The following WDR62 variants were observed in gnomAD, a reference collection of about 807,000 sequenced individuals.
WDR62 encodes the protein WD repeat domain 62.
In WDR62, 112 loss-of-function variants were observed where a neutral mutation model predicts 160.6. The observed-to-expected ratio is 0.70, with a 90% CI of 0.60 to 0.82. The LOEUF is 0.82. WDR62 is among the 40% of genes least tolerant of loss of function. The pLI, the probability that WDR62 is intolerant of heterozygous loss-of-function variation, is 0.00. For missense variants in WDR62, 1,819 were observed against 1,983.8 expected (o/e 0.92, Z 1.58); for synonymous variants, 792 against 815.1 (o/e 0.97, Z 0.48).
intron 2 of WDR62, 35 bp downstream of exon 2, chr19:36,058,906 C>A: frequency 6.4e-7 from 1 of 1,565,662 alleles, no homozygotes; most frequent in Non-Finnish European, 8.8e-7. Flanking sequence ...CTAATCATTG[C>A]TAGGGAATTT....
intron 3 of WDR62, chr19:36,060,971 A>G (rs1970615733): frequency 6.6e-6 from 1 of 152,310 alleles, no homozygotes; most frequent in Non-Finnish European, 1.5e-5. Flanking sequence ...CCTTGGGGCT[A>G]ACTGATCACT....
In WDR62 at chr19:36,090,480, G is replaced by A; in HGVS notation, c.1994G>A (p.Cys665Tyr). Residue 665 changes from cysteine (C) to tyrosine (Y), a missense_variant, in exon 16 of 32, where the codon TGC becomes TAC. Cys to Tyr is a radical substitution (Grantham distance 194, BLOSUM62 -2). Around this residue, in one of 3 missense-constraint regions of WDR62, gnomAD observed 934 missense variants for 1,157.2 expected, o/e 0.81. Transcript: ENST00000401500. ...ACTGTGAACGGGAAGCAGAAGAAGT[G>A]CTACAAGGGCTCCCAGGGTGACGAA... The part of the protein sequence containing the change: ...YNTVNGKQKK[C>Y]YKGSQGDEGS... 1 of 1,614,146 alleles carries A rather than the reference G, an allele frequency of 6.2e-7. No homozygotes were observed. The highest frequency in any genetic ancestry group is 8.5e-7 in the Non-Finnish European group (1 of 1,180,006).
intron 20 of WDR62, among the ~76,000 whole-genome samples, chr19:36,095,202 G>A (rs936846086): frequency 1.3e-5 from 2 of 151,664 alleles, no homozygotes. Flanking sequence ...ATTTTTTTTT[G>A]TATCTTTTGG....
chr19:36,057,220 C>G (rs1388565142), intron 1 of WDR62, among the ~76,000 whole-genome samples: 1 of 152,170 alleles, frequency 6.6e-6, no homozygotes, highest in Non-Finnish European at 1.5e-5. Context: ...GGTTACATAT[C>G]CTAGGCACTT....
rs757637999 is a variant in WDR62, at chr19:36,103,652, G to A, written c.3824G>A (p.Ser1275Asn). Reference sequence around the variant, plus strand: ...GCCATCACCACCGCGACAACACCCAGTTTGGACAGTGAGGGCCAAGAGCCT... The same window carrying A: ...GCCATCACCACCGCGACAACACCCAATTTGGACAGTGAGGGCCAAGAGCCT... The part of the protein sequence containing the change: ...LQAITTATTP[S>N]LDSEGQEPAL... Residue 1275 changes from serine (S) to asparagine (N), a missense_variant, in exon 30 of 32, where the codon AGT (serine) becomes AAT (asparagine). Physicochemically the swap from Ser to Asn is conservative, Grantham distance 46. Around this residue, in one of 3 missense-constraint regions of WDR62, gnomAD observed 770 missense variants for 734.2 expected, o/e 1.05. Coordinates refer to ENST00000401500, the MANE Select transcript of WDR62 (RefSeq NM_001083961.2). 1 of 1,610,362 alleles carries A rather than the reference G, an allele frequency of 6.2e-7. No individual in the cohort carries two copies. The highest frequency in any genetic ancestry group is 1.3e-5 in the African/African-American group (1 of 75,062).
chr19:36,063,394 A>G (rs139033791), intron 3 of WDR62, among the ~76,000 whole-genome samples: 1,818 of 151,950 alleles, frequency 0.012, 23 homozygotes, highest in South Asian at 0.036. Flanking sequence ...GACTACAGGC[A>G]TGCGCCACCG....
Position 36,089,100 on chromosome 19 carries a change from C to T in WDR62, c.1831C>T (p.Gln611Ter), listed in dbSNP as rs767278813. The change falls in exon 14 of 32, where the codon CAG becomes TAG. Residue 611 changes from glutamine to a stop codon, truncating the protein, a stop_gained. Coordinates refer to ENST00000401500, the MANE Select transcript of WDR62 (RefSeq NM_001083961.2). LOFTEE classifies it high-confidence loss of function. Reference protein sequence around the residue: ...ADKSIYFRSAQQGSDGLHFVR... With the variant: ...ADKSIYFRSA ...CAAGAGCATCTACTTTCGCAGTGCC[C>T]AGCAGGTAGGGTGGCATGGCCTCCT... is the stretch of plus-strand genomic sequence containing the variant. The T allele has an allele frequency of 6.2e-7, 1 of 1,613,970 alleles. No homozygotes were observed. Among genetic ancestry groups the T allele is most frequent in the Non-Finnish European group, 8.5e-7 (1 of 1,180,010 alleles).
intron 13 of WDR62, among the ~76,000 whole-genome samples, chr19:36,087,827 A>G (rs187140128): frequency 6.6e-6 from 1 of 152,288 alleles, no homozygotes; most frequent in East Asian, 1.9e-4. Context: ...CTCAAAAAAA[A>G]TAAAAATAAA....
downstream of WDR62, among the ~76,000 whole-genome samples, chr19:36,107,198 C>CT (rs1339537179): frequency 1.1e-4 from 17 of 152,208 alleles, no homozygotes; most frequent in Admixed American, 1.1e-3. Context: ...CTGTTATCCT[C>CT]TGTGAGCAAG....
rs761237265 is a variant in WDR62, at chr19:36,055,165, C to T, written c.177+17C>T. The T allele has an allele frequency of 1.2e-6, 2 of 1,602,214 alleles. No individual in the cohort carries two copies. Among genetic ancestry groups the T allele is most frequent in the East Asian group, 2.3e-5 (1 of 44,122 alleles). ...CAGAACCGGGTGAGAAGCTGCTCGCCATGTCTACCCCAGTTCCAGGCTTCC... is the reference window on the plus strand; with the variant it reads ...CAGAACCGGGTGAGAAGCTGCTCGCTATGTCTACCCCAGTTCCAGGCTTCC... On this transcript the variant is annotated intron_variant, in intron 1 of 31. Coordinates refer to ENST00000401500, the MANE Select transcript of WDR62 (RefSeq NM_001083961.2).
Position 36,104,802 on chromosome 19 carries a change from AG to A in WDR62, c.4347del (p.Gln1449HisfsTer88). ...AGTGGCCAGGTGGACACCGGGCAGCAGCAGGCACGGACTGAGCTGGTCTCCA... is the reference window on the plus strand; with the variant it reads ...AGTGGCCAGGTGGACACCGGGCAGCACAGGCACGGACTGAGCTGGTCTCCA... ...VSSGQVDTGQQQARTELVSTF... is the reference protein window; with the variant it reads ...VSSGQVDTGQXQARTELVSTF... On this transcript the variant is annotated frameshift_variant, in exon 32 of 32. Coordinates refer to ENST00000401500, the MANE Select transcript of WDR62 (RefSeq NM_001083961.2). LOFTEE classifies it low-confidence loss of function (END_TRUNC). The A allele has an allele frequency of 6.2e-7, 1 of 1,613,682 alleles. No individual in the cohort carries two copies. Among genetic ancestry groups the A allele is most frequent in the South Asian group, 1.1e-5 (1 of 91,082 alleles).
chr19:36,094,938 G>A (rs955115770), intron 20 of WDR62, among the ~76,000 whole-genome samples: 1 of 152,164 alleles, frequency 6.6e-6, no homozygotes, highest in Non-Finnish European at 1.5e-5. Context: ...GGCTGAGGCA[G>A]GAAGATCGCT....
intron 9 of WDR62, among the ~76,000 whole-genome samples, chr19:36,079,169 C>T (rs900056050): frequency 6.6e-6 from 1 of 152,104 alleles, no homozygotes; most frequent in Non-Finnish European, 1.5e-5. Flanking sequence ...GAAGCCTCAA[C>T]CTCATAGGCA....
At chr19:36,071,242 T>TA (rs1372408698) in intron 7 of WDR62, among the ~76,000 whole-genome samples, 1 of 152,158 alleles carries the variant, frequency 6.6e-6, no homozygotes, top group African/African-American at 2.4e-5. Flanking sequence ...TCAACCCTGT[T>TA]ACTACAAGTG....
At chr19:36,079,782 G>C (rs778029889) in intron 9 of WDR62, among the ~76,000 whole-genome samples, 1 of 152,344 alleles carries the variant, frequency 6.6e-6, no homozygotes, top group East Asian at 1.9e-4. Context: ...TGTAGGTCTT[G>C]TGATTGGTGG....
chr19:36,096,982 T>C (rs372604666), intron 20 of WDR62, 45 bp from the exon 21 acceptor site: 3 of 1,578,704 alleles, frequency 1.9e-6, no homozygotes, highest in Non-Finnish European at 2.6e-6. Flanking sequence ...GTGGCCTGTT[T>C]GTTGGGTTGT....
chr19:36,088,954 G>T (rs1183048778), intron 13 of WDR62, 84 bp from the exon 14 acceptor site: 11 of 1,469,096 alleles, frequency 7.5e-6, no homozygotes, highest in Non-Finnish European at 6.6e-6. Flanking sequence ...GTTGATTGAT[G>T]GCTCTTGCAG....
At chr19:36,109,142 T>C (rs944944419), downstream of WDR62, among the ~76,000 whole-genome samples, 11 of 152,122 alleles carry the variant, frequency 7.2e-5, no homozygotes, top group Non-Finnish European at 1.0e-4. Context: ...TCTCGGGCAA[T>C]GTAAAGAAAT....
At chr19:36,073,627 T>C (rs1286530990) in intron 9 of WDR62, 96 bp downstream of exon 9, 2 of 1,007,896 alleles carry the variant, frequency 2.0e-6, no homozygotes, top group Non-Finnish European at 3.0e-6. Flanking sequence ...AAGATACTCA[T>C]TGACTCCCTC....
Sources: gnomAD v4.1 joint callset for allele counts (sites outside exome capture counted in the v4.1 genomes callset) on GRCh38, gnomAD v4.1.1 for gene constraint, gnomAD v4.1.1 regional missense constraint, MANE v1.5 for transcripts, NCBI Gene and HGNC (gene_info 2026-07-23, HGNC 2026-07-21) for gene names.